RPA1: variants seen among roughly 807,000 people sequenced by gnomAD.
RPA1 encodes replication protein A 70 kDa DNA-binding subunit.
Under a neutral mutation model 83.0 loss-of-function variants are expected in RPA1, and 49 were observed. The observed-to-expected ratio is 0.59, with a 90% CI of 0.47 to 0.75. The LOEUF (loss-of-function observed/expected upper bound fraction) is 0.75. Among genes scored for constraint, RPA1 ranks in the 30% least tolerant of loss-of-function variants. RPA1 has a pLI of 0.00. For missense variants in RPA1, 693 were observed against 776.1 expected (o/e 0.89, Z 1.27); for synonymous variants, 279 against 281.8 (o/e 0.99, Z 0.10).
At chr17:1,895,298 C>CGG (rs17339256) in intron 16 of RPA1, among the ~76,000 whole-genome samples, 230 of 147,154 alleles carry the variant, frequency 1.6e-3, no homozygotes, top group African/African-American at 5.5e-3. Context: ...GAAACAATGG[C>CGG]GGGGGGGTGG....
At chr17:1,839,004 C>T (rs912010891) in intron 1 of RPA1, among the ~76,000 whole-genome samples, 6 of 152,080 alleles carry the variant, frequency 3.9e-5, no homozygotes, top group African/African-American at 1.4e-4. Context: ...GCACCCGCCA[C>T]CATGCCCGGC....
intron 4 of RPA1, among the ~76,000 whole-genome samples, chr17:1,848,028 C>G (rs1912328861): frequency 1.3e-5 from 2 of 152,028 alleles, no homozygotes; most frequent in South Asian, 4.2e-4. Context: ...AAAAGCGTAT[C>G]TCTGAATAGA....
chr17:1,867,752 A>T (rs1440560388), intron 5 of RPA1, among the ~76,000 whole-genome samples: 2 of 151,760 alleles, frequency 1.3e-5, no homozygotes, highest in African/African-American at 4.8e-5. Flanking sequence ...AGATGATGAA[A>T]GGATTGAAGG....
intron 1 of RPA1, among the ~76,000 whole-genome samples, chr17:1,833,725 A>G (rs932083495): frequency 3.3e-5 from 5 of 152,010 alleles, no homozygotes; most frequent in Non-Finnish European, 5.9e-5. Context: ...GTGGGGGCGC[A>G]TGCCTGGAAT....
At chr17:1,850,764 T>A (rs1222572286) in intron 4 of RPA1, among the ~76,000 whole-genome samples, 2 of 151,116 alleles carry the variant, frequency 1.3e-5, no homozygotes, top group Non-Finnish European at 2.9e-5. Flanking sequence ...TGGTGGCGGG[T>A]GCCTGTAATC....
At chr17:1,830,273 GTCCC>G in intron 1 of RPA1, 147 bp downstream of exon 1, 2 of 507,788 alleles carry the variant, frequency 3.9e-6, no homozygotes, top group Non-Finnish European at 6.1e-6. Context: ...CCCGCCGGGC[GTCCC>G]TCTAGTGTCA....
intron 5 of RPA1, among the ~76,000 whole-genome samples, chr17:1,871,798 A>G (rs1009408294): frequency 6.6e-6 from 1 of 152,004 alleles, no homozygotes; most frequent in Non-Finnish European, 1.5e-5. Context: ...TCCTTGACAC[A>G]CCTGCTTCCG....
intron 4 of RPA1, among the ~76,000 whole-genome samples, chr17:1,851,143 A>G (rs1242470834): frequency 6.6e-6 from 1 of 152,160 alleles, no homozygotes; most frequent in African/African-American, 2.4e-5. Context: ...TATTTCATCC[A>G]TAAATATTTT....
intron 6 of RPA1, among the ~76,000 whole-genome samples, chr17:1,874,379 A>G (rs958685740): frequency 7.9e-5 from 12 of 152,208 alleles, no homozygotes; most frequent in African/African-American, 2.6e-4. Context: ...GGTGGTGCAC[A>G]CCTATAGTCC....
At chr17:1,888,527 G>A in intron 13 of RPA1, 148 bp from the exon 14 acceptor site, 2 of 732,196 alleles carry the variant, frequency 2.7e-6, no homozygotes, top group African/African-American at 1.8e-5. Flanking sequence ...TAAAACTACA[G>A]AATGAATGAT....
intron 7 of RPA1, 106 bp downstream of exon 7, chr17:1,875,899 C>A: frequency 2.7e-6 from 3 of 1,102,216 alleles, no homozygotes; most frequent in Non-Finnish European, 3.7e-6. Flanking sequence ...CCACCAAATA[C>A]CACCAAATAG....
At chr17:1,831,680 G>A (rs1304931384) in intron 1 of RPA1, among the ~76,000 whole-genome samples, 1 of 141,032 alleles carries the variant, frequency 7.1e-6, no homozygotes, top group African/African-American at 2.7e-5. Flanking sequence ...CTCACTGCAA[G>A]CTCTGCCTCC....
intron 6 of RPA1, among the ~76,000 whole-genome samples, chr17:1,873,527 G>A (rs1402767391): frequency 1.3e-5 from 2 of 152,106 alleles, no homozygotes; most frequent in Admixed American, 1.3e-4. Flanking sequence ...GAAAAGCAAG[G>A]TTAAGATGTC....
Position 1,878,976 on chromosome 17 carries a change from C to T in RPA1, c.691-17C>T. 6.2e-7 allele frequency: 1 copy of T among 1,614,024 alleles called. No homozygotes were observed. The highest frequency in any genetic ancestry group is 8.5e-7 in the Non-Finnish European group (1 of 1,179,900). On this transcript the variant is annotated splice_polypyrimidine_tract_variant and intron_variant, in intron 8 of 16. Transcript: ENST00000254719. ...TGTTCAATCCCGCAGCCCTAACCTG[C>T]CCACGTGCTTCTGCAGGGTGAAATC...
chr17:1,873,252 CCTT>C (rs1913444597), intron 6 of RPA1, among the ~76,000 whole-genome samples: 2 of 152,168 alleles, frequency 1.3e-5, no homozygotes, highest in Admixed American at 6.6e-5. Flanking sequence ...CATAGGTTCT[CCTT>C]CTCAATTTCA....
Position 1,883,949 on chromosome 17 carries a change from C to T in RPA1, c.1374+5C>T, listed in dbSNP as rs368411386. On this transcript the variant is annotated splice_donor_5th_base_variant and intron_variant, in intron 13 of 16. Transcript: ENST00000254719. ...AACCTGGGCCAAGGCGACAAGGTAC[C>T]CAGCATTCCTAACCACCTTCACAAA... 1.5e-4 allele frequency: 244 copies of T among 1,613,502 alleles called. 3 individuals are homozygous for T. In the African/African-American group the frequency reaches 2.5e-3, roughly 17 times the overall value.
rs749714506 is a variant in RPA1, at chr17:1,844,601, A to C, written c.187A>C (p.Asn63His). 1 of 1,613,484 alleles carries C rather than the reference A, an allele frequency of 6.2e-7. No individual in the cohort carries two copies. Among genetic ancestry groups the C allele is most frequent in the South Asian group, 1.1e-5 (1 of 90,798 alleles). Residue 63 changes from asparagine (N) to histidine (H), a missense_variant, in exon 4 of 17, where the codon AAC becomes CAC. Coordinates refer to ENST00000254719, the MANE Select transcript of RPA1 (RefSeq NM_002945.5). ...LSSFMLATQL[N>H]PLVEEEQLSS... ...AGCTTTCATGTTGGCGACACAGTTGAACCCTCTCGTGGAGGAAGAACAATT... is the reference window on the plus strand; with the variant it reads ...AGCTTTCATGTTGGCGACACAGTTGCACCCTCTCGTGGAGGAAGAACAATT...
In RPA1 at chr17:1,879,297, A is replaced by G. The variant is rs768801004; in HGVS notation, c.842A>G (p.Asn281Ser). 4.3e-6 allele frequency: 7 copies of G among 1,614,110 alleles called. No homozygotes were observed. Among genetic ancestry groups the G allele is most frequent in the African/African-American group, 1.3e-5 (1 of 74,906 alleles). ...AVKNDYEMTF[N>S]NETSVMPCED... is the part of the protein sequence containing the mutation. Reference sequence around the variant, plus strand: ...AAAAATGACTACGAGATGACCTTCAATAACGAGACTTCCGTCATGCCCTGT... The same window carrying G: ...AAAAATGACTACGAGATGACCTTCAGTAACGAGACTTCCGTCATGCCCTGT... The change falls in exon 10 of 17, where the codon AAT (asparagine) becomes AGT (serine). Residue 281 changes from asparagine (N) to serine (S), a missense_variant. Asn to Ser is a conservative substitution (Grantham distance 46). Coordinates refer to ENST00000254719, the MANE Select transcript of RPA1 (RefSeq NM_002945.5).
intron 4 of RPA1, among the ~76,000 whole-genome samples, chr17:1,847,604 C>T (rs1316849929): frequency 6.6e-6 from 1 of 152,150 alleles, no homozygotes; most frequent in Non-Finnish European, 1.5e-5. Context: ...GAGCAGTCAT[C>T]CTTGTACTTT....
Sources: gnomAD v4.1 joint callset for allele counts (sites outside exome capture counted in the v4.1 genomes callset) on GRCh38, gnomAD v4.1.1 for gene constraint, MANE v1.5 for transcripts, NCBI Gene and HGNC (gene_info 2026-07-23, HGNC 2026-07-21) for gene names.